Variants in RELN observed in about 807,000 individuals in gnomAD.
RELN encodes the protein reelin.
A neutral mutation model predicts 427.6 loss-of-function variants in RELN; 108 were observed. That is an observed-to-expected ratio of 0.25 (90% CI 0.22 to 0.30). The LOEUF is 0.30. Among genes scored for constraint, RELN ranks in the 10% least tolerant of loss-of-function variants. The pLI, the probability that RELN is intolerant of heterozygous loss-of-function variation, is 1.00. For synonymous variants in RELN, 1,524 were observed against 1,513.4 expected, an observed-to-expected ratio of 1.01 and a Z score of -0.16; for missense variants, 3,715 against 4,302.8, an observed-to-expected ratio of 0.86 and a Z score of 3.82.
chr7:103,669,543 T>C (rs1208522585), intron 11 of RELN, among the ~76,000 whole-genome samples: 1 of 152,178 alleles, frequency 6.6e-6, no homozygotes, highest in Non-Finnish European at 1.5e-5. Context: ...CACAAAGTTG[T>C]GGTCATTTCC....
intron 2 of RELN, among the ~76,000 whole-genome samples, chr7:103,868,985 T>C (rs916527743): frequency 6.6e-6 from 1 of 152,154 alleles, no homozygotes; most frequent in Non-Finnish European, 1.5e-5. Context: ...CCTTGGTTTT[T>C]ATATCCAGTT....
At chr7:103,906,885 A>ATTT (rs1795218541) in intron 2 of RELN, among the ~76,000 whole-genome samples, 1 of 152,146 alleles carries the variant, frequency 6.6e-6, no homozygotes, top group Non-Finnish European at 1.5e-5. Flanking sequence ...TAATCTTCAG[A>ATTT]GGTTTTGAGC....
At chr7:103,980,654 T>C (rs1478826023) in intron 1 of RELN, among the ~76,000 whole-genome samples, 1 of 152,206 alleles carries the variant, frequency 6.6e-6, no homozygotes, top group Non-Finnish European at 1.5e-5. Flanking sequence ...AAAATGAGAA[T>C]AACAGTACCT....
chr7:103,913,112 AG>A (rs1795406426), intron 2 of RELN, among the ~76,000 whole-genome samples: 1 of 152,258 alleles, frequency 6.6e-6, no homozygotes, highest in East Asian at 1.9e-4. Flanking sequence ...TTGGTCAGTG[AG>A]GCATGCATGC....
chr7:103,802,136 C>T (rs892780939), intron 3 of RELN, among the ~76,000 whole-genome samples: 23 of 151,930 alleles, frequency 1.5e-4, no homozygotes, highest in African/African-American at 3.6e-4. Context: ...AATAAGAGAA[C>T]GAAAGTAAGA....
At chr7:103,950,300 C>G (rs989580079) in intron 1 of RELN, among the ~76,000 whole-genome samples, 1 of 152,060 alleles carries the variant, frequency 6.6e-6, no homozygotes, top group Admixed American at 6.6e-5. Context: ...AACATTCACA[C>G]CACAGCATAG....
Position 103,636,281 on chromosome 7 carries a change from C to T in RELN, c.2257G>A (p.Gly753Arg). 1 of 1,613,996 alleles carries T rather than the reference C, an allele frequency of 6.2e-7. No individual in the cohort carries two copies. Among genetic ancestry groups the T allele is most frequent in the Non-Finnish European group, 8.5e-7 (1 of 1,179,952 alleles). ...SGKALVFNKD[G>R]RRQLITSFLD... ...AAAGATGTAATTAGCTGACGCCGCCCATCTTTGTTGAAAACCAGGGCCTTA... is the reference window on the plus strand; with the variant it reads ...AAAGATGTAATTAGCTGACGCCGCCTATCTTTGTTGAAAACCAGGGCCTTA... The change falls in exon 18 of 65, where the codon GGG becomes AGG. Residue 753 changes from glycine to arginine, a missense_variant. Gly to Arg is a moderately radical substitution (Grantham distance 125). Transcript: ENST00000428762.
At chr7:103,881,242 C>T (rs758296899) in intron 2 of RELN, among the ~76,000 whole-genome samples, 1 of 152,158 alleles carries the variant, frequency 6.6e-6, no homozygotes, top group Non-Finnish European at 1.5e-5. Context: ...GTAATGAACA[C>T]TTTCCATTCC....
At chr7:103,571,054 T>C (rs1247434582) in intron 31 of RELN, among the ~76,000 whole-genome samples, 2 of 152,230 alleles carry the variant, frequency 1.3e-5, no homozygotes, top group Non-Finnish European at 2.9e-5. Flanking sequence ...GGATAATTAC[T>C]AGACTAAAAG....
chr7:103,672,338 A>C (rs1833412709), intron 11 of RELN, among the ~76,000 whole-genome samples: 1 of 152,200 alleles, frequency 6.6e-6, no homozygotes, highest in African/African-American at 2.4e-5. Flanking sequence ...CAAGTATGGC[A>C]GTGCCAAGAG....
chr7:103,905,460 C>T (rs1021546795), intron 2 of RELN, among the ~76,000 whole-genome samples: 1 of 152,108 alleles, frequency 6.6e-6, no homozygotes, highest in African/African-American at 2.4e-5. Context: ...GATGTGTACA[C>T]ATATATGGAC....
chr7:103,654,211 CA>C lies in RELN; in HGVS notation c.1442-7del. Reference sequence around the variant, plus strand: ...TCCAGGGTCACAAATTCCTCCTGCACAAAACAAAAATTTTAAGTTGCTAGTA... The same window carrying C: ...TCCAGGGTCACAAATTCCTCCTGCACAAACAAAAATTTTAAGTTGCTAGTA... On this transcript the variant is annotated splice_region_variant and splice_polypyrimidine_tract_variant and intron_variant, in intron 12 of 64. Coordinates refer to ENST00000428762, the MANE Select transcript of RELN (RefSeq NM_005045.4). The C allele has an allele frequency of 6.4e-7, 1 of 1,561,556 alleles. No homozygotes were observed.
At chr7:103,880,849 T>G (rs575842210) in intron 2 of RELN, among the ~76,000 whole-genome samples, 3 of 152,198 alleles carry the variant, frequency 2.0e-5, no homozygotes, top group Admixed American at 2.0e-4. Flanking sequence ...TGTGCCACCA[T>G]GCGCAGCTAA....
At chr7:103,760,631 TA>T (rs1163676728) in intron 4 of RELN, among the ~76,000 whole-genome samples, 19 of 146,674 alleles carry the variant, frequency 1.3e-4, no homozygotes, top group East Asian at 3.9e-4. Context: ...ATTGATTACT[TA>T]AAAAAAAAAG....
Position 103,489,915 on chromosome 7 carries a change from A to G in RELN, c.9606-16T>C, listed in dbSNP as rs1431789455. The G allele has an allele frequency of 6.2e-7, 1 of 1,613,876 alleles. No individual in the cohort carries two copies. The highest frequency in any genetic ancestry group is 1.3e-5 in the African/African-American group (1 of 74,916). On this transcript the variant is annotated splice_polypyrimidine_tract_variant and intron_variant, in intron 59 of 64. Transcript: ENST00000428762. ...CTGTGTTGCACTGAAAGAACCACAG[A>G]GAGCAGAAGGGATTCAGTAGGTTGT...
chr7:103,829,327 CCTCCTT>C (rs1793219907), intron 3 of RELN, among the ~76,000 whole-genome samples: 1 of 151,744 alleles, frequency 6.6e-6, no homozygotes, highest in South Asian at 2.1e-4. Flanking sequence ...CTCCTCTCCT[CCTCCTT>C]CTCCTTCTTC....
chr7:103,772,312 AAATGAATGAATG>A (rs71519158), intron 4 of RELN, among the ~76,000 whole-genome samples: 263 of 150,294 alleles, frequency 1.7e-3, no homozygotes, highest in Middle Eastern at 3.4e-3. Flanking sequence ...AATAGTTGTC[AAATGAATGAATG>A]AATGAATGAA....
chr7:103,617,416 A>G (rs559599535), intron 20 of RELN, among the ~76,000 whole-genome samples: 8 of 151,990 alleles, frequency 5.3e-5, no homozygotes, highest in Non-Finnish European at 1.2e-4. Flanking sequence ...TTCTGGTGTC[A>G]TGTTTTATTG....
At chr7:103,754,352 A>G (rs12705155) in intron 4 of RELN, among the ~76,000 whole-genome samples, 77,346 of 151,502 alleles carry the variant, frequency 0.51, 20,120 homozygotes, top group Non-Finnish European at 0.57. Context: ...GGCTTACATT[A>G]TACTTCTATT....
Sources: gnomAD v4.1 joint callset for allele counts (sites outside exome capture counted in the v4.1 genomes callset) on GRCh38, gnomAD v4.1.1 for gene constraint, MANE v1.5 for transcripts, NCBI Gene and HGNC (gene_info 2026-07-23, HGNC 2026-07-21) for gene names.